Variants in NARS2 observed in about 807,000 individuals in gnomAD.
NARS2 encodes asparaginyl-tRNA synthetase 2, mitochondrial.
Under a neutral mutation model 62.9 loss-of-function variants are expected in NARS2, and 60 were observed. The ratio of observed to expected loss-of-function variants is 0.95; its 90% CI spans 0.77 to 1.18. The LOEUF (loss-of-function observed/expected upper bound fraction) is 1.18. Among genes scored for constraint, NARS2 ranks in the 50% most tolerant of loss-of-function variants. NARS2 has a pLI of 0.00. For synonymous variants in NARS2, 196 were observed against 200.0 expected (o/e 0.98, Z 0.17); for missense variants, 619 against 576.4 (o/e 1.07, Z -0.76).
At chr11:78,559,925 G>A (rs1856500439) in intron 4 of NARS2, among the ~76,000 whole-genome samples, 1 of 152,226 alleles carries the variant, frequency 6.6e-6, no homozygotes, top group South Asian at 2.1e-4. Context: ...GTCAGTGGCT[G>A]AGCCAGGACT....
chr11:78,452,858 A>G (rs1858021672), intron 11 of NARS2, among the ~76,000 whole-genome samples: 1 of 152,246 alleles, frequency 6.6e-6, no homozygotes, highest in Non-Finnish European at 1.5e-5. Flanking sequence ...CTGAATGGAC[A>G]ATCGTCTGTA....
chr11:78,491,248 T>C (rs1859806511), intron 7 of NARS2, among the ~76,000 whole-genome samples: 1 of 152,200 alleles, frequency 6.6e-6, no homozygotes, highest in South Asian at 2.1e-4. Flanking sequence ...CTTTACCAAC[T>C]ACATGCTAGT....
chr11:78,538,175 C>T (rs1009243822), intron 5 of NARS2, among the ~76,000 whole-genome samples: 1 of 152,136 alleles, frequency 6.6e-6, no homozygotes, highest in Non-Finnish European at 1.5e-5. Flanking sequence ...ACACTGCCTA[C>T]GTTGTTCACC....
intron 9 of NARS2, among the ~76,000 whole-genome samples, chr11:78,469,618 T>C (rs994472990): frequency 6.6e-6 from 1 of 152,214 alleles, no homozygotes; most frequent in Non-Finnish European, 1.5e-5. Flanking sequence ...CAAAATACTT[T>C]TTCCTAAAAT....
chr11:78,441,261 G>A (rs899971693), intron 12 of NARS2, 144 bp from the exon 13 acceptor site: 35 of 640,842 alleles, frequency 5.5e-5, no homozygotes, highest in South Asian at 4.8e-4. Flanking sequence ...ACTCAATATA[G>A]TTGAGGAGCT....
chr11:78,482,629 C>T (rs542824424), intron 7 of NARS2, among the ~76,000 whole-genome samples: 2 of 152,230 alleles, frequency 1.3e-5, no homozygotes, highest in African/African-American at 2.4e-5. Flanking sequence ...CGCAAATGAA[C>T]GAGAAAATCT....
chr11:78,442,834 G>C (rs977392052), intron 12 of NARS2, among the ~76,000 whole-genome samples: 4 of 152,244 alleles, frequency 2.6e-5, no homozygotes, highest in African/African-American at 7.2e-5. Context: ...TTAGAATAAA[G>C]TTATTCAAAT....
intron 5 of NARS2, among the ~76,000 whole-genome samples, chr11:78,542,471 TATTC>T (rs1048180705): frequency 2.0e-4 from 30 of 152,294 alleles, no homozygotes; most frequent in Middle Eastern, 3.4e-3. Flanking sequence ...AATTTTGGCT[TATTC>T]ATTGTCAGAT....
At chr11:78,554,510 T>TGTGTGTGTGTGTGTGC (rs1210163387) in intron 5 of NARS2, among the ~76,000 whole-genome samples, 2 of 141,308 alleles carry the variant, frequency 1.4e-5, no homozygotes, top group Admixed American at 1.4e-4. Flanking sequence ...CGTGTGTGCG[T>TGTGTGTGTGTGTGTGC]GTGTGTGTGT....
At chr11:78,555,091 T>C (rs566148430) in intron 5 of NARS2, 1 of 152,348 alleles carries the variant, frequency 6.6e-6, no homozygotes. Context: ...GCCTACTTCA[T>C]GGTGGATTAA....
intron 6 of NARS2, among the ~76,000 whole-genome samples, chr11:78,517,879 C>T (rs186072464): frequency 4.9e-4 from 75 of 152,330 alleles, no homozygotes; most frequent in African/African-American, 1.8e-3. Context: ...ACAGGGTTAA[C>T]TTTGAACTTA....
At chr11:78,508,518 G>A (rs905935279) in intron 6 of NARS2, among the ~76,000 whole-genome samples, 2 of 151,778 alleles carry the variant, frequency 1.3e-5, no homozygotes, top group Non-Finnish European at 2.9e-5. Flanking sequence ...GAACCCAAGA[G>A]GCAGAGGTTG....
chr11:78,571,414 C>A lies in NARS2; in HGVS notation c.172G>T (p.Glu58Ter), dbSNP rs1260264540. Residue 58 changes from glutamate to a stop codon, truncating the protein, a stop_gained, in exon 2 of 14, where the codon GAA becomes TAA. Transcript: ENST00000281038. LOFTEE classifies it high-confidence loss of function. ...TCATTTACATGCAGGAACAAGACTT[C>A]CTTCTGGGATCGGACAGAACGAATC... ...GWIRSVRSQK[E>*]VLFLHVNDGS... is the part of the protein sequence containing the mutation. 3 of 1,613,322 alleles carry A rather than the reference C, an allele frequency of 1.9e-6. No individual in the cohort carries two copies. In the Admixed American group the frequency reaches 5.0e-5, roughly 27 times the overall value.
chr11:78,485,735 C>T (rs1195143927), intron 7 of NARS2, among the ~76,000 whole-genome samples: 2 of 152,090 alleles, frequency 1.3e-5, no homozygotes, highest in Admixed American at 6.5e-5. Flanking sequence ...AAAATGTAGC[C>T]CCAGTTGTGG....
Position 78,521,334 on chromosome 11 carries a change from G to GT in NARS2, c.689+7507dup, listed in dbSNP as rs1347613742. Among the ~76,000 whole-genome samples, 7 of 151,540 alleles carry GT rather than the reference G, an allele frequency of 4.6e-5. No homozygotes were observed. In the East Asian group the frequency reaches 9.8e-4, roughly 21 times the overall value. ...CACATGCCACCATGCTTGGTTTTTG[G>GT]TTTTTTTGTTTGTTTGTTTGTAGAG... On this transcript the variant is annotated intron_variant, in intron 6 of 13. Transcript: ENST00000281038.
chr11:78,543,133 G>A (rs181023554), intron 5 of NARS2, among the ~76,000 whole-genome samples: 110 of 152,166 alleles, frequency 7.2e-4, no homozygotes, highest in African/African-American at 2.6e-3. Flanking sequence ...GGCTGAGATG[G>A]TGCCACTGCA....
At chr11:78,533,477 G>A (rs1236229891) in intron 5 of NARS2, among the ~76,000 whole-genome samples, 2 of 152,188 alleles carry the variant, frequency 1.3e-5, no homozygotes, top group African/African-American at 4.8e-5. Context: ...AAGAGGAAGT[G>A]AATGTCTACA....
rs142652694 is a variant in NARS2 at position 78,444,760 on chromosome 11, A to T, written c.1165-1002T>A. Among the ~76,000 whole-genome samples the T allele has an allele frequency of 4.8e-4, 73 of 151,710 alleles. No homozygotes were observed. In the East Asian group the frequency reaches 0.014, roughly 28 times the overall value. ...AAAAAAAGGGTGATAAGAAAATAATATATCTGCAAGACTAAGTCTGAAAGA... is the reference window on the plus strand; with the variant it reads ...AAAAAAAGGGTGATAAGAAAATAATTTATCTGCAAGACTAAGTCTGAAAGA... On this transcript the variant is annotated intron_variant, in intron 11 of 13. Coordinates refer to ENST00000281038, the MANE Select transcript of NARS2 (RefSeq NM_024678.6).
At chr11:78,439,148 C>G (rs1857500169) in intron 13 of NARS2, among the ~76,000 whole-genome samples, 1 of 152,078 alleles carries the variant, frequency 6.6e-6, no homozygotes, top group Non-Finnish European at 1.5e-5. Flanking sequence ...AGCGATTCTC[C>G]TGCCTCAGCC....
Sources: allele counts gnomAD v4.1 joint callset (sites outside exome capture counted in the v4.1 genomes callset), GRCh38; gene constraint gnomAD v4.1.1; transcripts MANE v1.5; gene names NCBI Gene and HGNC (gene_info 2026-07-23, HGNC 2026-07-21).